COMMD1: variants seen among roughly 807,000 people sequenced by gnomAD.
COMMD1 encodes the protein copper metabolism domain containing 1, also known as COMM domain-containing protein 1.
A neutral mutation model predicts 17.2 loss-of-function variants in COMMD1; 10 were observed. The observed-to-expected ratio is 0.58, with a 90% CI of 0.36 to 0.99. The LOEUF (loss-of-function observed/expected upper bound fraction) is 0.99. Ranked by LOEUF, COMMD1 falls within the 50% of genes least tolerant of loss-of-function variation. The pLI is 0.01. For missense variants in COMMD1, 270 were observed against 231.8 expected (o/e 1.17, Z -1.07); for synonymous variants, 97 against 91.6 (o/e 1.06, Z -0.34).
chr2:61,986,551 C>G (rs558418120), intron 1 of COMMD1, among the ~76,000 whole-genome samples: 2 of 146,240 alleles, frequency 1.4e-5, no homozygotes, highest in East Asian at 2.0e-4. Context: ...TAAATAATCT[C>G]GTAGGCATCA....
chr2:61,888,391 G>A (rs1472628180), upstream of COMMD1: 3 of 1,612,986 alleles, frequency 1.9e-6, no homozygotes, highest in African/African-American at 1.3e-5. Flanking sequence ...CTTTGGCGGC[G>A]GAAATGTTGC....
intron 2 of COMMD1, among the ~76,000 whole-genome samples, chr2:62,003,885 T>C (rs564316097): frequency 3.3e-5 from 5 of 152,246 alleles, no homozygotes; most frequent in African/African-American, 1.2e-4. Flanking sequence ...CTCAGTACTT[T>C]GGGAAGCTGA....
At chr2:61,969,065 TC>T (rs111422558) in intron 1 of COMMD1, 60 of 441,728 alleles carry the variant, frequency 1.4e-4, no homozygotes, top group African/African-American at 9.1e-4. Flanking sequence ...CTCAAGTGAT[TC>T]TCCTGCCTCA....
intron 1 of COMMD1, among the ~76,000 whole-genome samples, chr2:61,992,204 G>T (rs1194220066): frequency 6.6e-6 from 1 of 152,116 alleles, no homozygotes; most frequent in Non-Finnish European, 1.5e-5. Flanking sequence ...ATTTTAAATG[G>T]TATTGTCACT....
intron 1 of COMMD1, among the ~76,000 whole-genome samples, chr2:61,907,205 C>T (rs1017088042): frequency 3.9e-5 from 6 of 151,906 alleles, no homozygotes; most frequent in East Asian, 3.9e-4. Context: ...TCCTGGGGTT[C>T]GAGCCATTCT....
At chr2:61,929,046 A>G (rs1456959805) in intron 1 of COMMD1, among the ~76,000 whole-genome samples, 1 of 152,222 alleles carries the variant, frequency 6.6e-6, no homozygotes, top group Non-Finnish European at 1.5e-5. Context: ...AGCGGAGTTC[A>G]TTGGTTCCAG....
At chr2:61,992,504 C>T (rs1445429085) in intron 1 of COMMD1, among the ~76,000 whole-genome samples, 1 of 152,140 alleles carries the variant, frequency 6.6e-6, no homozygotes, top group Non-Finnish European at 1.5e-5. Context: ...CAGGTGGTCA[C>T]ACTGCCTGTA....
chr2:61,928,241 C>T lies in COMMD1; in HGVS notation c.180+22383C>T, dbSNP rs939891655. ...GCAGTGGTACAATCTCGGCACATTA[C>T]GACCTCCGCCTCCTAAGTTCACAAT... On this transcript the variant is annotated intron_variant, in intron 1 of 2. Transcript: ENST00000311832. 4.6e-5 allele frequency among the ~76,000 whole-genome samples: 7 copies of T among 152,014 alleles called. 1 individual carries two copies. The highest frequency in any genetic ancestry group is 4.2e-4 in the South Asian group (2 of 4,814).
chr2:62,107,964 T>C (rs1672362070), intron 2 of COMMD1, among the ~76,000 whole-genome samples: 1 of 152,292 alleles, frequency 6.6e-6, no homozygotes, highest in South Asian at 2.1e-4. Context: ...CTATGCCCTA[T>C]TCCTTCTCAA....
chr2:62,072,211 TGAAACCCAAC>T (rs1671216055), intron 2 of COMMD1, among the ~76,000 whole-genome samples: 3 of 152,054 alleles, frequency 2.0e-5, no homozygotes, highest in Non-Finnish European at 4.4e-5. Flanking sequence ...GGGTCCCTGG[TGAAACCCAAC>T]CTTCAAACCA....
At chr2:61,977,260 T>G (rs954262866) in intron 1 of COMMD1, among the ~76,000 whole-genome samples, 1 of 149,268 alleles carries the variant, frequency 6.7e-6, no homozygotes, top group Non-Finnish European at 1.5e-5. Context: ...TTTTTTTTTT[T>G]TTTGAGACAG....
chr2:61,961,842 A>G (rs920738049), intron 1 of COMMD1, among the ~76,000 whole-genome samples: 2 of 151,244 alleles, frequency 1.3e-5, no homozygotes, highest in Non-Finnish European at 2.9e-5. Context: ...TTAATTTCTC[A>G]TTTGTCTTTA....
Position 62,060,748 on chromosome 2 carries a change from T to A in COMMD1, c.462+59766T>A, listed in dbSNP as rs369330045. On this transcript the variant is annotated intron_variant, in intron 2 of 2. Transcript: ENST00000311832. Reference sequence around the variant, plus strand: ...ATTCTTGATGGATATTTTTGATGAATATGGAGTTTCAGCCAAACAACAGTT... The same window carrying A: ...ATTCTTGATGGATATTTTTGATGAAAATGGAGTTTCAGCCAAACAACAGTT... Among the ~76,000 whole-genome samples the A allele has an allele frequency of 5.3e-5, 8 of 152,206 alleles. No individual in the cohort carries two copies. The South Asian group carries it at 1.7e-3, about 32-fold the overall frequency.
At chr2:62,007,513 C>G (rs578204987) in intron 2 of COMMD1, among the ~76,000 whole-genome samples, 14 of 152,324 alleles carry the variant, frequency 9.2e-5, no homozygotes, top group Admixed American at 6.5e-4. Context: ...TGATGGATCA[C>G]ATATACGATA....
upstream of COMMD1, among the ~76,000 whole-genome samples, chr2:61,902,670 A>G (rs1669682799): frequency 6.6e-6 from 1 of 152,146 alleles, no homozygotes; most frequent in Non-Finnish European, 1.5e-5. Context: ...TTTTTCATGT[A>G]TCATATGGCA....
intron 1 of COMMD1, among the ~76,000 whole-genome samples, chr2:61,989,713 G>A (rs1192744736): frequency 6.6e-6 from 1 of 151,882 alleles, no homozygotes; most frequent in African/African-American, 2.4e-5. Context: ...ATCCGCCCAC[G>A]TCGGCCTCCC....
chr2:62,120,500 G>A (rs1262960130), intron 2 of COMMD1, among the ~76,000 whole-genome samples: 5 of 151,876 alleles, frequency 3.3e-5, no homozygotes, highest in Non-Finnish European at 1.5e-5. Flanking sequence ...TGTCATTTTG[G>A]TTTCTTTGAG....
chr2:61,951,414 C>A (rs1045464429), intron 1 of COMMD1, among the ~76,000 whole-genome samples: 2 of 150,854 alleles, frequency 1.3e-5, no homozygotes, highest in African/African-American at 4.9e-5. Flanking sequence ...GAGCCGACAT[C>A]GTGCCACAGC....
intron 1 of COMMD1, among the ~76,000 whole-genome samples, chr2:61,943,814 G>A (rs374039214): frequency 9.9e-5 from 15 of 152,192 alleles, no homozygotes; most frequent in East Asian, 3.9e-4. Flanking sequence ...CAGCCTTGGC[G>A]TCTCAGTGAG....
Sources: allele counts gnomAD v4.1 joint callset (sites outside exome capture counted in the v4.1 genomes callset), GRCh38; gene constraint gnomAD v4.1.1; transcripts MANE v1.5; gene names NCBI Gene and HGNC (gene_info 2026-07-23, HGNC 2026-07-21).